Variants in CACNG6 observed in about 807,000 individuals in gnomAD.
CACNG6 encodes calcium voltage-gated channel auxiliary subunit gamma 6, also known as voltage-dependent calcium channel gamma-6 subunit.
CACNG6 carries 21 observed loss-of-function variants against 23.9 expected under a neutral mutation model. The ratio of observed to expected loss-of-function variants is 0.88; its 90% confidence interval spans 0.62 to 1.26. The LOEUF (loss-of-function observed/expected upper bound fraction) is 1.26. Among genes scored for constraint, CACNG6 ranks in the 50% most tolerant of loss-of-function variants. CACNG6 has a pLI of 0.00. For missense variants in CACNG6, 340 were observed against 352.9 expected (o/e 0.96, Z 0.29); for synonymous variants, 182 against 168.9 (o/e 1.08, Z -0.60).
intron 1 of CACNG6, among the ~76,000 whole-genome samples, chr19:53,994,340 T>C (rs1490533873): frequency 6.6e-6 from 1 of 152,140 alleles, no homozygotes; most frequent in Non-Finnish European, 1.5e-5. Flanking sequence ...ACTGGACATT[T>C]CAGCGTTTCT....
intron 3 of CACNG6, among the ~76,000 whole-genome samples, 191 bp downstream of exon 3, chr19:53,999,962 T>C (rs944408234): frequency 2.0e-4 from 31 of 151,972 alleles, no homozygotes; most frequent in Non-Finnish European, 4.4e-5. Context: ...CCACACACTG[T>C]TGCACGCTGG....
chr19:54,001,019 C>T (rs542011352), intron 3 of CACNG6, among the ~76,000 whole-genome samples: 14 of 152,142 alleles, frequency 9.2e-5, no homozygotes, highest in Admixed American at 2.0e-4. Context: ...GATGGAGTCT[C>T]ACTCTGTCGC....
intron 2 of CACNG6, among the ~76,000 whole-genome samples, chr19:53,999,398 T>C (rs1158917426): frequency 1.3e-5 from 2 of 152,208 alleles, no homozygotes; most frequent in Non-Finnish European, 2.9e-5. Flanking sequence ...TCTCAACTCT[T>C]TCTAATCCTG....
intron 3 of CACNG6, among the ~76,000 whole-genome samples, chr19:54,002,918 T>G (rs1347605979): frequency 6.6e-6 from 1 of 152,176 alleles, no homozygotes; most frequent in African/African-American, 2.4e-5. Flanking sequence ...GTTGTTCTAG[T>G]TTTAGAGGTA....
chr19:54,002,265 CGGTTTTTTT>C (rs1431252151), intron 3 of CACNG6, among the ~76,000 whole-genome samples: 5 of 128,110 alleles, frequency 3.9e-5, no homozygotes, highest in African/African-American at 7.0e-5. Flanking sequence ...GGCTAATTTT[CGGTTTTTTT>C]GTTTTTTTTG....
chr19:54,008,815 T>C (rs1294819183), intron 3 of CACNG6, among the ~76,000 whole-genome samples: 2 of 152,224 alleles, frequency 1.3e-5, no homozygotes, highest in Admixed American at 1.3e-4. Context: ...TTCCTTCCTT[T>C]CATGCATCAC....
intron 1 of CACNG6, among the ~76,000 whole-genome samples, chr19:53,997,817 T>C (rs1448231158): frequency 6.6e-6 from 1 of 152,200 alleles, no homozygotes; most frequent in East Asian, 1.9e-4. Flanking sequence ...TAGGAATCCT[T>C]CCTGAGACAG....
chr19:53,991,743 C>CG lies in CACNG6; in HGVS notation c.-1130dup, dbSNP rs2069462200. Among the ~76,000 whole-genome samples, 2 of 146,862 alleles carry CG rather than the reference C, an allele frequency of 1.4e-5. No individual in the cohort carries two copies. Among genetic ancestry groups the CG allele is most frequent in the Admixed American group, 6.8e-5 (1 of 14,600 alleles). ...GCGAGAGGGGCCCCTGCTCGGGAGT[C>CG]GGGGGTGGGAGCCCCGAGGGGGGGC... On this transcript the variant is annotated 5_prime_UTR_variant, in exon 1 of 4. Coordinates refer to ENST00000252729, the MANE Select transcript of CACNG6 (RefSeq NM_145814.2).
chr19:53,998,701 G>T (rs1467194493), intron 2 of CACNG6, among the ~76,000 whole-genome samples: 3 of 151,908 alleles, frequency 2.0e-5, no homozygotes, highest in Non-Finnish European at 4.4e-5. Context: ...TAGTAGAGAT[G>T]GGGTTTCACC....
Position 53,992,817 on chromosome 19 carries a change from G to C in CACNG6, c.-61G>C, listed in dbSNP as rs1411749353. On this transcript the variant is annotated 5_prime_UTR_variant, in exon 1 of 4. Coordinates refer to ENST00000252729, the MANE Select transcript of CACNG6 (RefSeq NM_145814.2). This position sits in a 1 kb window ranked among gnomAD's most constrained non-coding sequence, Gnocchi z 4.1. The stretch of plus-strand genomic sequence containing the variant: ...AGACCCCAGGCCGCTCCTCGCTCCC[G>C]CCCCTCGAGGCCCTTCGCCGGCTCT... The C allele has an allele frequency of 1.7e-6, 2 of 1,212,040 alleles. No individual in the cohort carries two copies. Among genetic ancestry groups the C allele is most frequent in the African/African-American group, 1.6e-5 (1 of 63,456 alleles). The allele number at this position is 1,212,040 out of a possible 1,614,324, so 75.1% of individuals were successfully genotyped here. A position where few individuals can be genotyped will look rare whatever the true frequency, so the allele number is the denominator to read the frequency against.
chr19:54,004,691 T>G (rs372004479), intron 3 of CACNG6, among the ~76,000 whole-genome samples: 144 of 152,230 alleles, frequency 9.5e-4, no homozygotes, highest in African/African-American at 3.3e-3. Context: ...CACGCCAGCC[T>G]CTGCTGTTCC....
chr19:54,004,714 A>T (rs963627521), intron 3 of CACNG6, among the ~76,000 whole-genome samples: 4 of 151,938 alleles, frequency 2.6e-5, no homozygotes, highest in African/African-American at 9.7e-5. Flanking sequence ...AGACGCTCTA[A>T]GCTCATTCCT....
chr19:53,996,421 C>G (rs1386997823), intron 1 of CACNG6, among the ~76,000 whole-genome samples: 6 of 135,518 alleles, frequency 4.4e-5, no homozygotes, highest in Non-Finnish European at 7.7e-5. Context: ...GAGATGTAGT[C>G]TTGCTCTGTC....
upstream of CACNG6, among the ~76,000 whole-genome samples, chr19:53,991,398 C>G (rs925976009): frequency 1.3e-5 from 2 of 152,018 alleles, no homozygotes; most frequent in Non-Finnish European, 2.9e-5. Context: ...CTGGGACTCT[C>G]GGCGCCGCTC....
In CACNG6 at chr19:53,999,674, G is replaced by A; in HGVS notation, c.447G>A (p.Leu149=). Residue 149 remains leucine (L), a synonymous_variant, in exon 3 of 4, where the codon CTG becomes CTA. Coordinates refer to ENST00000252729, the MANE Select transcript of CACNG6 (RefSeq NM_145814.2). The stretch of plus-strand genomic sequence containing the variant: ...CTGCGGTGATAGCAGTGCTGGGCCT[G>A]GCAGTCATGGCCTTGGGGTGCCTCT... ...LAAAVIAVLG[L]AVMALGCLCI... is the part of the protein sequence containing the mutation. 2.5e-6 allele frequency: 4 copies of A among 1,614,038 alleles called. No individual in the cohort carries two copies. Among genetic ancestry groups the A allele is most frequent in the Non-Finnish European group, 3.4e-6 (4 of 1,180,024 alleles).
In CACNG6 at chr19:53,991,673, G is replaced by A. The variant is rs1486569406; in HGVS notation, c.-1205G>A. Reference sequence around the variant, plus strand: ...GGTGGCGGGCACAGCCGGACGCTTCGGAGGCAGCGCGGAGCTGGGGTCGGC... The same window carrying A: ...GGTGGCGGGCACAGCCGGACGCTTCAGAGGCAGCGCGGAGCTGGGGTCGGC... On this transcript the variant is annotated 5_prime_UTR_variant, in exon 1 of 4. Coordinates refer to ENST00000252729, the MANE Select transcript of CACNG6 (RefSeq NM_145814.2). Among the ~76,000 whole-genome samples the A allele has an allele frequency of 6.6e-6, 1 of 151,936 alleles. No homozygotes were observed. Among genetic ancestry groups the A allele is most frequent in the African/African-American group, 2.4e-5 (1 of 41,394 alleles).
chr19:53,991,918 GAGCCGCAGTGCGGACC>G lies in CACNG6; in HGVS notation c.-958_-943del, dbSNP rs1238399566. ...TGGGGGGACTCAGTCCTGGTTTTCC[GAGCCGCAGTGCGGACC>G]ACAGCCCCATAGTGTGAGCCCCAGG... On this transcript the variant is annotated 5_prime_UTR_variant, in exon 1 of 4. Transcript: ENST00000252729. Among the ~76,000 whole-genome samples, 4 of 152,130 alleles carry G rather than the reference GAGCCGCAGTGCGGACC, an allele frequency of 2.6e-5. No individual in the cohort carries two copies. The highest frequency in any genetic ancestry group is 9.7e-5 in the African/African-American group (4 of 41,416).
chr19:53,999,881 G>T, intron 3 of CACNG6, 110 bp downstream of exon 3: 41 of 1,315,422 alleles, frequency 3.1e-5, no homozygotes, highest in Non-Finnish European at 4.0e-5. Flanking sequence ...GCTCAGAGAT[G>T]GAATCTCTAT....
At chr19:54,000,403 A>G (rs577992344) in intron 3 of CACNG6, among the ~76,000 whole-genome samples, 1 of 152,322 alleles carries the variant, frequency 6.6e-6, no homozygotes, top group Middle Eastern at 3.4e-3. Context: ...ATGCTCTTTT[A>G]GATTTGAGAC....
Sources: allele counts gnomAD v4.1 joint callset (sites outside exome capture counted in the v4.1 genomes callset), GRCh38; gene constraint gnomAD v4.1.1; non-coding constraint Gnocchi (gnomAD v3.1); transcripts MANE v1.5; gene names NCBI Gene and HGNC (gene_info 2026-07-23, HGNC 2026-07-21).